Variants in RPL18A observed in about 807,000 individuals in gnomAD.
RPL18A encodes the protein ribosomal protein L18a, also known as large ribosomal subunit protein eL20.
For synonymous variants in RPL18A, 122 were observed against 96.9 expected, an observed-to-expected ratio of 1.26 and a Z score of -1.52; for missense variants, 163 against 254.1, an observed-to-expected ratio of 0.64 and a Z score of 2.44.
rs772151051 is a variant in RPL18A, at chr19:17,861,395, A to G, written c.121A>G (p.Lys41Glu). 6.2e-7 allele frequency: 1 copy of G among 1,611,696 alleles called. No individual in the cohort carries two copies. The highest frequency in any genetic ancestry group is 1.1e-5 in the South Asian group (1 of 90,918). ...CTTTGCGCCTAATCATGTCGTCGCCAAGTCCCGCTTCTGGTACTTTGTATC... is the reference window on the plus strand; with the variant it reads ...CTTTGCGCCTAATCATGTCGTCGCCGAGTCCCGCTTCTGGTACTTTGTATC... ...RIFAPNHVVA[K>E]SRFWYFVSQL... Residue 41 changes from lysine to glutamate, a missense_variant, in exon 2 of 5, where the codon AAG becomes GAG. Physicochemically the swap from Lys to Glu is moderately conservative, Grantham distance 56. Transcript: ENST00000222247.
intron 1 of RPL18A, 99 bp downstream of exon 1, chr19:17,860,073 C>T: frequency 8.9e-7 from 1 of 1,129,730 alleles, no homozygotes; most frequent in Non-Finnish European, 1.2e-6. Flanking sequence ...CCGCGCGCTT[C>T]TGTTTGGGCC....
At chr19:17,862,576 C>T (rs777468679) in intron 3 of RPL18A, 1 of 702,650 alleles carries the variant, frequency 1.4e-6, no homozygotes, top group South Asian at 1.4e-5. Context: ...GTGAGACCCC[C>T]ACACCTCCCT....
At chr19:17,862,784 C>T (rs1041924654) in intron 3 of RPL18A, 134 bp from the exon 4 acceptor site, 1 of 763,822 alleles carries the variant, frequency 1.3e-6, no homozygotes, top group African/African-American at 1.7e-5. Flanking sequence ...CACCACCTTC[C>T]CGTGAGCCCC....
In RPL18A at chr19:17,862,153, C is replaced by A. The variant is rs1225123584; in HGVS notation, c.258C>A (p.Ser86=). 1.9e-6 allele frequency: 3 copies of A among 1,612,954 alleles called. No homozygotes were observed. The highest frequency in any genetic ancestry group is 4.5e-5 in the East Asian group (2 of 44,878). The part of the protein sequence containing the change: ...KNFGIWLRYD[S]RSGTHNMYRE... ...TCGGGATCTGGCTGCGCTATGACTC[C>A]CGGAGCGGCACCCACAACATGTACC... is the stretch of plus-strand genomic sequence containing the variant. Residue 86 remains serine, a synonymous_variant, in exon 3 of 5, where the codon TCC becomes TCA. Transcript: ENST00000222247.
intron 2 of RPL18A, chr19:17,861,801 G>T: frequency 3.7e-6 from 2 of 542,284 alleles, no homozygotes. Context: ...GTGGTAGCTA[G>T]GTTGGCCCAG....
At chr19:17,862,863 C>A in intron 3 of RPL18A, 55 bp from the exon 4 acceptor site, 1 of 1,245,298 alleles carries the variant, frequency 8.0e-7, no homozygotes, top group Non-Finnish European at 1.2e-6. Flanking sequence ...AGGAGGTTTG[C>A]TGAATGCCCA....
rs750048205 is a variant in RPL18A, at chr19:17,861,365, C to A, written c.91C>A (p.Arg31=). 1 of 1,612,578 alleles carries A rather than the reference C, an allele frequency of 6.2e-7. No individual in the cohort carries two copies. Among genetic ancestry groups the A allele is most frequent in the Non-Finnish European group, 8.5e-7 (1 of 1,179,060 alleles). ...KCHTPPLYRM[R]IFAPNHVVAK... The stretch of plus-strand genomic sequence containing the variant: ...CCACACGCCGCCCCTCTACCGCATG[C>A]GAATCTTTGCGCCTAATCATGTCGT... Residue 31 remains arginine (R), a synonymous_variant, in exon 2 of 5, where the codon CGA becomes AGA. Coordinates refer to ENST00000222247, the MANE Select transcript of RPL18A (RefSeq NM_000980.4).
intron 1 of RPL18A, 93 bp downstream of exon 1, chr19:17,860,067 G>A: frequency 8.1e-7 from 1 of 1,228,010 alleles, no homozygotes; most frequent in Non-Finnish European, 1.1e-6. Context: ...TTGGTGCCGC[G>A]CGCTTCTGTT....
intron 3 of RPL18A, 194 bp from the exon 4 acceptor site, chr19:17,862,724 G>A (rs1459990294): frequency 2.6e-6 from 2 of 762,850 alleles, no homozygotes; most frequent in East Asian, 2.4e-5. Context: ...CACAACTCTA[G>A]TGGCCAGTGA....
At position 17,862,262 on chromosome 19, in the gene RPL18A, C is replaced by T. The variant is rs367760443; in HGVS notation, c.328+39C>T. 21 of 1,607,106 alleles carry T rather than the reference C, an allele frequency of 1.3e-5. No individual in the cohort carries two copies. In the South Asian group the frequency reaches 1.9e-4, roughly 14 times the overall value. ...CCCGCCTCCAGCTTTTTAGACCCTC[C>T]TTGACTCCCTCACACTGAGGCAGGG... On this transcript the variant is annotated intron_variant, in intron 3 of 4. Coordinates refer to ENST00000222247, the MANE Select transcript of RPL18A (RefSeq NM_000980.4).
intron 3 of RPL18A, 100 bp from the exon 4 acceptor site, chr19:17,862,818 C>G (rs1309064553): frequency 1.2e-6 from 1 of 841,510 alleles, no homozygotes; most frequent in Non-Finnish European, 2.0e-6. Context: ...GTTGCTGTGA[C>G]CAACAGGATG....
intron 1 of RPL18A, chr19:17,860,686 A>G (rs983023009): frequency 1.3e-5 from 2 of 152,960 alleles, no homozygotes; most frequent in South Asian, 2.0e-4. Context: ...TTTGTGCCAT[A>G]TCACAGAGCC....
Position 17,859,966 on chromosome 19 carries a change from T to G in RPL18A, c.10T>G (p.Ser4Ala), listed in dbSNP as rs746611142. The change falls in exon 1 of 5, where the codon TCG becomes GCG. Residue 4 changes from serine (S) to alanine (A), a missense_variant. Ser to Ala is a moderately conservative substitution (Grantham distance 99). Coordinates refer to ENST00000222247, the MANE Select transcript of RPL18A (RefSeq NM_000980.4). Reference protein sequence around the residue: MKASGTLREYKVVG... With the variant: MKAAGTLREYKVVG... ...ACGCGGAGAGCACGCCATGAAGGCC[T>G]CGGGCACGGTAAGGCGGGCGCGGCG... is the stretch of plus-strand genomic sequence containing the variant. 2.0e-6 allele frequency: 3 copies of G among 1,535,308 alleles called. No individual in the cohort carries two copies. In the Admixed American group the frequency reaches 6.1e-5, roughly 31 times the overall value.
At chr19:17,861,745 G>T in intron 2 of RPL18A, 1 of 553,522 alleles carries the variant, frequency 1.8e-6, no homozygotes, top group Non-Finnish European at 3.2e-6. Context: ...TCTTCCCTGG[G>T]CCCTGTCTGT....
chr19:17,861,934 C>A, intron 2 of RPL18A, 160 bp from the exon 3 acceptor site: 1 of 788,904 alleles, frequency 1.3e-6, no homozygotes, highest in Non-Finnish European at 2.0e-6. Context: ...CCTGAGGATG[C>A]CTGAAGGTAG....
chr19:17,860,991 A>G (rs913838423), intron 1 of RPL18A: 3 of 407,500 alleles, frequency 7.4e-6, no homozygotes, highest in Non-Finnish European at 1.3e-5. Flanking sequence ...TGCAGCATGA[A>G]GAAAGGAGGC....
Position 17,863,217 on chromosome 19 carries a change from A to T in RPL18A, c.485A>T (p.Gln162Leu). Residue 162 changes from glutamine (Q) to leucine (L), a missense_variant, in exon 5 of 5, where the codon CAG becomes CTG. Gln to Leu is a moderately radical substitution (Grantham distance 113). Transcript: ENST00000222247. Reference sequence around the variant, plus strand: ...CTGCCCCACCGGGTCCTGCGCCGTCAGCACAAGCCACGCTTCACCACCAAG... The same window carrying T: ...CTGCCCCACCGGGTCCTGCGCCGTCTGCACAAGCCACGCTTCACCACCAAG... ...FPLPHRVLRRQHKPRFTTKRP... is the reference protein window; with the variant it reads ...FPLPHRVLRRLHKPRFTTKRP... The T allele has an allele frequency of 1.2e-6, 2 of 1,611,624 alleles. No individual in the cohort carries two copies. The highest frequency in any genetic ancestry group is 1.1e-5 in the South Asian group (1 of 90,970).
Position 17,863,111 on chromosome 19 carries a change from C to T in RPL18A, c.439-60C>T, listed in dbSNP as rs993699174. On this transcript the variant is annotated intron_variant, in intron 4 of 4. Transcript: ENST00000222247. The stretch of plus-strand genomic sequence containing the variant: ...TGGGGGGCGGCTACACCTTGGTGGC[C>T]CCACAGGATGGGGTGTTAAGAGGCT... The T allele has an allele frequency of 1.3e-5, 20 of 1,550,940 alleles. No homozygotes were observed. The South Asian group carries it at 2.2e-4, about 17-fold the overall frequency.
chr19:17,862,888 C>T (rs2094280027), intron 3 of RPL18A, 30 bp from the exon 4 acceptor site: 1 of 1,498,084 alleles, frequency 6.7e-7, no homozygotes, highest in Non-Finnish European at 9.3e-7. Context: ...CCAGGCAACA[C>T]CGTCACCCTG....
Sources: gnomAD v4.1 joint callset for allele counts on GRCh38, gnomAD v4.1.1 for gene constraint, MANE v1.5 for transcripts, NCBI Gene and HGNC (gene_info 2026-07-23, HGNC 2026-07-21) for gene names.